Variants in RBFOX1 observed in about 807,000 individuals in gnomAD.
RBFOX1 encodes RNA binding fox-1 homolog 1, also known as RNA binding protein fox-1 homolog 1.
A neutral mutation model predicts 57.7 loss-of-function variants in RBFOX1; 8 were observed. The observed-to-expected ratio is 0.14, with a 90% CI of 0.08 to 0.25. The LOEUF is 0.25. Among genes scored for constraint, RBFOX1 ranks in the 10% least tolerant of loss-of-function variants. The pLI is 1.00. For synonymous variants in RBFOX1, 326 were observed against 222.4 expected, an observed-to-expected ratio of 1.47 and a Z score of -4.15; for missense variants, 611 against 548.5, an observed-to-expected ratio of 1.11 and a Z score of -1.14.
chr16:5,349,202 A>G (rs376665659), intron 1 of RBFOX1, among the ~76,000 whole-genome samples: 1 of 152,244 alleles, frequency 6.6e-6, no homozygotes, highest in African/African-American at 2.4e-5. Flanking sequence ...AAGTACAAAT[A>G]CCATATGAGT....
chr16:7,047,903 C>T (rs780146631), intron 3 of RBFOX1, among the ~76,000 whole-genome samples: 23 of 150,910 alleles, frequency 1.5e-4, no homozygotes, highest in Non-Finnish European at 3.0e-4. Context: ...TTTTTTGAGA[C>T]GTCTCACTCT....
intron 4 of RBFOX1, among the ~76,000 whole-genome samples, chr16:5,880,289 T>C (rs2057730180): frequency 6.6e-6 from 1 of 152,194 alleles, no homozygotes; most frequent in African/African-American, 2.4e-5. Flanking sequence ...CTGACTCCAG[T>C]ACCTCCACTG....
At chr16:6,823,655 T>G (rs538824030) in intron 3 of RBFOX1, among the ~76,000 whole-genome samples, 1 of 152,346 alleles carries the variant, frequency 6.6e-6, no homozygotes, top group South Asian at 2.1e-4. Context: ...TATTCTTGAT[T>G]TCTTAGGGTC....
chr16:6,033,350 A>G (rs1023328341), intron 1 of RBFOX1, among the ~76,000 whole-genome samples: 1 of 152,346 alleles, frequency 6.6e-6, no homozygotes, highest in Admixed American at 6.5e-5. Flanking sequence ...AAATGGTACA[A>G]TATTCAAAAA....
intron 4 of RBFOX1, among the ~76,000 whole-genome samples, chr16:7,419,479 T>C (rs2098518118): frequency 6.6e-6 from 1 of 152,234 alleles, no homozygotes; most frequent in Non-Finnish European, 1.5e-5. Flanking sequence ...GCAGATTGTA[T>C]TGTGCCTTGT....
chr16:7,121,031 T>G (rs1305020087), intron 4 of RBFOX1, among the ~76,000 whole-genome samples: 2 of 151,846 alleles, frequency 1.3e-5, no homozygotes, highest in Non-Finnish European at 2.9e-5. Context: ...TGTAAAATAG[T>G]CCTGAACAGT....
rs115242523 is a variant in RBFOX1, at chr16:7,623,451, T to G, written c.677-7152T>G. ...TGGGAGGCAGTGACGGATCAGGCATTAGATTCTCATAAGGAACACACAACC... is the reference window on the plus strand; with the variant it reads ...TGGGAGGCAGTGACGGATCAGGCATGAGATTCTCATAAGGAACACACAACC... On this transcript the variant is annotated intron_variant, in intron 10 of 15. Coordinates refer to ENST00000550418, the MANE Select transcript of RBFOX1 (RefSeq NM_018723.4). Among the ~76,000 whole-genome samples the G allele has an allele frequency of 1.4e-3, 209 of 152,270 alleles. 1 individual carries two copies. The highest frequency in any genetic ancestry group is 4.9e-3 in the African/African-American group (205 of 41,554).
chr16:7,455,126 A>T (rs540234461), intron 4 of RBFOX1, among the ~76,000 whole-genome samples: 1 of 152,186 alleles, frequency 6.6e-6, no homozygotes, highest in Admixed American at 6.5e-5. Context: ...GAAGCCTCAG[A>T]TTGCATCTGG....
intron 2 of RBFOX1, among the ~76,000 whole-genome samples, chr16:6,642,417 G>A (rs2154074838): frequency 6.6e-6 from 1 of 152,190 alleles, no homozygotes; most frequent in Admixed American, 6.5e-5. Context: ...TTTGGTTTGA[G>A]CTCACCTGGT....
At chr16:6,070,493 C>G (rs2095822748) in intron 1 of RBFOX1, among the ~76,000 whole-genome samples, 2 of 152,128 alleles carry the variant, frequency 1.3e-5, no homozygotes. Flanking sequence ...ACTCAAATAT[C>G]CCATTTCAAT....
chr16:6,800,216 C>G (rs560313617), intron 3 of RBFOX1, among the ~76,000 whole-genome samples: 1 of 145,910 alleles, frequency 6.9e-6, no homozygotes, highest in East Asian at 1.9e-4. Flanking sequence ...TTTCCTGCCT[C>G]ATAACCATGT....
intron 4 of RBFOX1, among the ~76,000 whole-genome samples, chr16:7,107,030 G>T (rs1437190808): frequency 6.9e-6 from 1 of 145,964 alleles, no homozygotes; most frequent in African/African-American, 2.5e-5. Flanking sequence ...ATGCATAATT[G>T]CAGCCTGTGG....
At chr16:6,418,530 T>TA (rs1555464249) in intron 2 of RBFOX1, among the ~76,000 whole-genome samples, 37 of 145,762 alleles carry the variant, frequency 2.5e-4, no homozygotes, top group African/African-American at 9.1e-4. Context: ...TTTTTTTTTT[T>TA]TTTTTTTTTT....
chr16:7,572,865 A>ATAAATAAAT (rs2092935189), intron 5 of RBFOX1, among the ~76,000 whole-genome samples: 1 of 151,946 alleles, frequency 6.6e-6, no homozygotes, highest in Non-Finnish European at 1.5e-5. Context: ...AAATAAATAA[A>ATAAATAAAT]ATGAACCAGC....
chr16:7,097,348 G>C (rs531664617), intron 4 of RBFOX1, among the ~76,000 whole-genome samples: 1 of 152,150 alleles, frequency 6.6e-6, no homozygotes, highest in South Asian at 2.1e-4. Context: ...TTCTGAGACA[G>C]GCAGGAATCA....
intron 3 of RBFOX1, among the ~76,000 whole-genome samples, chr16:5,735,313 G>C (rs987159545): frequency 1.3e-5 from 2 of 152,192 alleles, no homozygotes; most frequent in African/African-American, 4.8e-5. Context: ...GACAGTGTTA[G>C]TTCTGAAATG....
intron 4 of RBFOX1, among the ~76,000 whole-genome samples, chr16:7,231,170 A>T (rs534195249): frequency 5.3e-5 from 8 of 152,316 alleles, no homozygotes; most frequent in Non-Finnish European, 7.3e-5. Context: ...ACTATAGCTT[A>T]AAACTCCCAT....
At chr16:5,464,745 T>C (rs2068901239) in intron 1 of RBFOX1, among the ~76,000 whole-genome samples, 1 of 152,088 alleles carries the variant, frequency 6.6e-6, no homozygotes, top group South Asian at 2.1e-4. Flanking sequence ...GTTGATAATG[T>C]GGTGAGCTTT....
intron 3 of RBFOX1, among the ~76,000 whole-genome samples, chr16:5,635,167 A>G (rs558116412): frequency 1.3e-5 from 2 of 152,356 alleles, no homozygotes; most frequent in East Asian, 1.9e-4. Flanking sequence ...ACTTTTCTGC[A>G]TAGTTACATT....
Sources: gnomAD v4.1 joint callset for allele counts (sites outside exome capture counted in the v4.1 genomes callset) on GRCh38, gnomAD v4.1.1 for gene constraint, MANE v1.5 for transcripts, NCBI Gene and HGNC (gene_info 2026-07-23, HGNC 2026-07-21) for gene names.